The following EXOC4 variants were observed in gnomAD, a reference collection of about 807,000 sequenced individuals.
The protein encoded by EXOC4 is exocyst complex component 4, also known as SEC8-like 1.
Under a neutral mutation model 107.2 loss-of-function variants are expected in EXOC4, and 71 were observed. The observed-to-expected ratio is 0.66, with a 90% CI of 0.55 to 0.81. The LOEUF is 0.81. EXOC4 is among the 30% of genes least tolerant of loss of function. The pLI is 0.00. For missense variants in EXOC4, 1,108 were observed against 1,189.6 expected (o/e 0.93, Z 1.01); for synonymous variants, 456 against 441.2 (o/e 1.03, Z -0.42).
chr7:134,010,720 A>T (rs1794744180), intron 17 of EXOC4, among the ~76,000 whole-genome samples: 1 of 152,240 alleles, frequency 6.6e-6, no homozygotes, highest in Non-Finnish European at 1.5e-5. Flanking sequence ...CACAGTAATT[A>T]ATCACTAGTT....
chr7:133,746,904 C>T (rs541876429), intron 10 of EXOC4, among the ~76,000 whole-genome samples: 4 of 152,164 alleles, frequency 2.6e-5, no homozygotes, highest in South Asian at 2.1e-4. Context: ...AAGAGGGTCT[C>T]ACTGAAGGAC....
At chr7:134,037,537 G>A (rs1235123933) in intron 17 of EXOC4, among the ~76,000 whole-genome samples, 1 of 152,180 alleles carries the variant, frequency 6.6e-6, no homozygotes, top group Non-Finnish European at 1.5e-5. Flanking sequence ...GAGGGGCCCT[G>A]TGTTAGGCTT....
chr7:133,353,156 G>A (rs1795948801), intron 5 of EXOC4, among the ~76,000 whole-genome samples: 1 of 152,034 alleles, frequency 6.6e-6, no homozygotes, highest in Non-Finnish European at 1.5e-5. Context: ...GAAAACAATA[G>A]TTAGAAATAA....
chr7:133,794,939 C>T (rs765308062), intron 10 of EXOC4, among the ~76,000 whole-genome samples: 1 of 151,976 alleles, frequency 6.6e-6, no homozygotes, highest in Non-Finnish European at 1.5e-5. Context: ...CTATCCCTCC[C>T]CCTTCCCCCC....
At chr7:133,945,718 T>A (rs1176558873) in intron 14 of EXOC4, among the ~76,000 whole-genome samples, 1 of 152,188 alleles carries the variant, frequency 6.6e-6, no homozygotes, top group Non-Finnish European at 1.5e-5. Flanking sequence ...ACCGCACAGT[T>A]GCGCAATATT....
At chr7:134,019,224 C>G (rs1794975070) in intron 17 of EXOC4, among the ~76,000 whole-genome samples, 1 of 152,190 alleles carries the variant, frequency 6.6e-6, no homozygotes, top group Admixed American at 6.5e-5. Context: ...GGCACAGCGC[C>G]CAGCCACGAT....
At chr7:133,968,112 T>A (rs1801113721) in intron 14 of EXOC4, among the ~76,000 whole-genome samples, 1 of 152,232 alleles carries the variant, frequency 6.6e-6, no homozygotes, top group African/African-American at 2.4e-5. Flanking sequence ...TCTTGAATTT[T>A]GTTGGTTTAA....
At chr7:133,869,143 G>A (rs1293364804) in intron 11 of EXOC4, among the ~76,000 whole-genome samples, 1 of 151,772 alleles carries the variant, frequency 6.6e-6, no homozygotes, top group Non-Finnish European at 1.5e-5. Flanking sequence ...CATGATGAAC[G>A]GCACTCATAT....
At chr7:133,405,002 A>G (rs942110255) in intron 7 of EXOC4, among the ~76,000 whole-genome samples, 4 of 151,514 alleles carry the variant, frequency 2.6e-5, no homozygotes, top group Non-Finnish European at 5.9e-5. Context: ...TGAGCTCATG[A>G]GTTCAAGGCT....
chr7:133,726,225 C>A (rs1051971540), intron 10 of EXOC4, among the ~76,000 whole-genome samples: 5 of 152,176 alleles, frequency 3.3e-5, no homozygotes, highest in African/African-American at 9.7e-5. Flanking sequence ...TGGCATACTT[C>A]AGTATGTGGT....
intron 17 of EXOC4, among the ~76,000 whole-genome samples, chr7:134,053,601 G>A (rs1795851111): frequency 6.7e-6 from 1 of 149,522 alleles, no homozygotes; most frequent in South Asian, 2.1e-4. Flanking sequence ...AATATATTTT[G>A]GAAATATATT....
intron 13 of EXOC4, among the ~76,000 whole-genome samples, chr7:133,936,468 C>G (rs1800302248): frequency 1.3e-5 from 2 of 152,148 alleles, no homozygotes; most frequent in Admixed American, 1.3e-4. Flanking sequence ...TTGGCTTGTT[C>G]TAGTTAAATT....
intron 16 of EXOC4, among the ~76,000 whole-genome samples, chr7:134,006,040 G>T (rs1794636005): frequency 6.6e-6 from 1 of 152,140 alleles, no homozygotes; most frequent in South Asian, 2.1e-4. Context: ...TATGAGTTTG[G>T]TGGCATCTGT....
chr7:134,007,638 A>G, intron 16 of EXOC4, 38 bp from the exon 17 acceptor site: 1 of 1,531,018 alleles, frequency 6.5e-7, no homozygotes, highest in Non-Finnish European at 8.8e-7. Flanking sequence ...CTAATCTGTC[A>G]TCCGTTTTCT....
At chr7:134,088,719 T>C in the EXOC4 span, among the ~76,000 whole-genome samples, 14,931 of 152,214 alleles carry the variant, frequency 0.098, 987 homozygotes, top group South Asian at 0.22. Context: ...TTGAAGAGGA[T>C]TGAAACAAGA....
At chr7:133,781,457 T>TA (rs1306966510) in intron 10 of EXOC4, among the ~76,000 whole-genome samples, 1 of 152,280 alleles carries the variant, frequency 6.6e-6, no homozygotes, top group African/African-American at 2.4e-5. Context: ...CTCCGCCACT[T>TA]ACTAGTTGTG....
chr7:133,528,861 A>G (rs184175711), intron 9 of EXOC4, among the ~76,000 whole-genome samples: 2 of 152,262 alleles, frequency 1.3e-5, no homozygotes, highest in East Asian at 1.9e-4. Flanking sequence ...CTGTTCATTT[A>G]TACATCCCAA....
In EXOC4 at chr7:133,938,028, G is replaced by A. The variant is rs772647161; in HGVS notation, c.2165G>A (p.Ser722Asn). 4.3e-6 allele frequency: 7 copies of A among 1,614,046 alleles called. No homozygotes were observed. In the African/African-American group the frequency reaches 9.3e-5, roughly 22 times the overall value. ...NMHESLEWLA[S>N]RTKSAFSNLS... ...CATGAAAGCCTGGAATGGTTGGCAA[G>A]TCGAACAAAGTCAGCTTTCTCCAAT... The change falls in exon 14 of 18, where the codon AGT (serine) becomes AAT (asparagine). Residue 722 changes from serine (S) to asparagine (N), a missense_variant. Ser to Asn is a conservative substitution (Grantham distance 46). Transcript: ENST00000253861.
In EXOC4 at chr7:133,874,077, G is replaced by A. The variant is rs559857697; in HGVS notation, c.1735-21522G>A. Among the ~76,000 whole-genome samples the A allele has an allele frequency of 4.6e-5, 7 of 152,310 alleles. No individual in the cohort carries two copies. The South Asian group carries it at 1.2e-3, about 27-fold the overall frequency. ...ATATGACTCATCTCCTAAACTCAGGGAGACAGTTATGTTAAAGCCTAAGGT... is the reference window on the plus strand; with the variant it reads ...ATATGACTCATCTCCTAAACTCAGGAAGACAGTTATGTTAAAGCCTAAGGT... On this transcript the variant is annotated intron_variant, in intron 11 of 17. Transcript: ENST00000253861.
Sources: allele counts gnomAD v4.1 joint callset (sites outside exome capture counted in the v4.1 genomes callset), GRCh38; gene constraint gnomAD v4.1.1; transcripts MANE v1.5; gene names NCBI Gene and HGNC (gene_info 2026-07-23, HGNC 2026-07-21).